The following PRELID2 variants were observed in gnomAD, a reference collection of about 807,000 sequenced individuals.
PRELID2 encodes PRELI domain containing 2.
A neutral mutation model predicts 28.4 loss-of-function variants in PRELID2; 25 were observed. The ratio of observed to expected loss-of-function variants is 0.88; its 90% CI spans 0.64 to 1.23. The LOEUF (loss-of-function observed/expected upper bound fraction) is 1.23. Among genes scored for constraint, PRELID2 ranks in the 50% most tolerant of loss-of-function variants. PRELID2 has a pLI of 0.00. For missense variants in PRELID2, 201 were observed against 214.4 expected, an observed-to-expected ratio of 0.94 and a Z score of 0.39; for synonymous variants, 76 against 71.6, an observed-to-expected ratio of 1.06 and a Z score of -0.31.
chr5:145,748,137 A>C (rs745792926), intron 1 of PRELID2, among the ~76,000 whole-genome samples: 38 of 152,180 alleles, frequency 2.5e-4, no homozygotes, highest in Non-Finnish European at 4.1e-4. Context: ...TATTCAACAT[A>C]GTATTGGAAG....
rs992367586 is a variant in PRELID2, at chr5:145,537,183, T to C, written n.71-63868A>G. ...ATAATATATTTTGATCCTAGGGGAA[T>C]AGAGAGGCATAAATGTGGAAACACA... On this transcript the variant is annotated intron_variant and non_coding_transcript_variant, in intron 1 of 2. Transcript: ENST00000510259. Among the ~76,000 whole-genome samples the C allele has an allele frequency of 5.3e-5, 8 of 151,820 alleles. No individual in the cohort carries two copies. The South Asian group carries it at 6.2e-4, about 12-fold the overall frequency.
the PRELID2 span, among the ~76,000 whole-genome samples, chr5:145,426,303 G>A: frequency 3.4e-4 from 51 of 152,216 alleles, no homozygotes; most frequent in Middle Eastern, 3.4e-3. Flanking sequence ...TCCTTCAGAC[G>A]TTAAATTTTC....
chr5:145,282,579 G>T, the PRELID2 span, among the ~76,000 whole-genome samples: 3 of 151,416 alleles, frequency 2.0e-5, no homozygotes, highest in African/African-American at 7.3e-5. Flanking sequence ...GAGTACAGTG[G>T]CATGATCTCG....
the PRELID2 span, among the ~76,000 whole-genome samples, chr5:145,460,372 T>A: frequency 6.6e-6 from 1 of 152,194 alleles, no homozygotes; most frequent in East Asian, 1.9e-4. Flanking sequence ...GTGGGTAGAT[T>A]CCAAAATAAA....
Position 145,639,946 on chromosome 5 carries a change from G to A in PRELID2, n.70+124985C>T, listed in dbSNP as rs543572474. Among the ~76,000 whole-genome samples, 26 of 152,200 alleles carry A rather than the reference G, an allele frequency of 1.7e-4. No homozygotes were observed. The South Asian group carries it at 3.7e-3, about 22-fold the overall frequency. ...GATGAGAAGTGCCCCCTTGGAAAAG[G>A]GCATGTGTTTTTCAGTTTTGAACAG... On this transcript the variant is annotated intron_variant and non_coding_transcript_variant, in intron 1 of 2. Transcript: ENST00000510259.
intron 1 of PRELID2, among the ~76,000 whole-genome samples, chr5:145,634,570 T>A (rs1753975535): frequency 6.6e-6 from 1 of 152,208 alleles, no homozygotes; most frequent in African/African-American, 2.4e-5. Context: ...GATTTCAGCT[T>A]AGAGTCATTT....
chr5:145,697,999 T>A (rs1755319115), intron 1 of PRELID2, among the ~76,000 whole-genome samples: 1 of 150,592 alleles, frequency 6.6e-6, no homozygotes, highest in South Asian at 2.1e-4. Flanking sequence ...AAAAAATATA[T>A]ATATATATAT....
In PRELID2 at chr5:145,604,935, T is replaced by C. The variant is rs1369116266; in HGVS notation, n.71-131620A>G. On this transcript the variant is annotated intron_variant and non_coding_transcript_variant, in intron 1 of 2. Transcript: ENST00000510259. The stretch of plus-strand genomic sequence containing the variant: ...TGAATTATATATATATATTCTTCTG[T>C]ATATATATATATTATTTTGAATATA... Among the ~76,000 whole-genome samples the C allele has an allele frequency of 7.8e-5, 11 of 140,638 alleles. No homozygotes were observed. The Admixed American group carries it at 8.3e-4, about 11-fold the overall frequency. The allele number at this position is 140,638 out of a possible 152,430, so 92.3% of individuals were successfully genotyped here.
chr5:145,651,774 C>T (rs1052437126), intron 1 of PRELID2, among the ~76,000 whole-genome samples: 13 of 152,114 alleles, frequency 8.5e-5, no homozygotes, highest in African/African-American at 3.1e-4. Context: ...TCATCAAAGA[C>T]CAAGGTAGAT....
intron 1 of PRELID2, among the ~76,000 whole-genome samples, chr5:145,664,079 A>G (rs1754543169): frequency 6.6e-6 from 1 of 152,120 alleles, no homozygotes; most frequent in African/African-American, 2.4e-5. Flanking sequence ...AAACTCTACT[A>G]CTTCATTTGT....
chr5:145,333,996 T>C, the PRELID2 span, among the ~76,000 whole-genome samples: 3 of 152,246 alleles, frequency 2.0e-5, no homozygotes, highest in South Asian at 2.1e-4. Context: ...CTCTTCCACA[T>C]AGCACAGTCC....
intron 1 of PRELID2, among the ~76,000 whole-genome samples, chr5:145,578,304 T>C (rs905089543): frequency 1.3e-5 from 2 of 152,072 alleles, no homozygotes; most frequent in African/African-American, 4.8e-5. Flanking sequence ...CTCCCCAACA[T>C]ACCAACTTTC....
chr5:145,642,612 T>C (rs888995000), intron 1 of PRELID2, among the ~76,000 whole-genome samples: 1 of 152,238 alleles, frequency 6.6e-6, no homozygotes, highest in Admixed American at 6.5e-5. Context: ...CTGAATGGTA[T>C]TGCCTAGGTT....
At position 145,558,879 on chromosome 5, in the gene PRELID2, T is replaced by C. The variant is rs1752902479; in HGVS notation, n.71-85564A>G. 2.0e-5 allele frequency among the ~76,000 whole-genome samples: 3 copies of C among 152,328 alleles called. No homozygotes were observed. In the South Asian group the frequency reaches 6.2e-4, roughly 32 times the overall value. Reference sequence around the variant, plus strand: ...ATCTATGAAAAAAATGTGATGCACATTTTCTATAATCCAGCAAACCAACTC... The same window carrying C: ...ATCTATGAAAAAAATGTGATGCACACTTTCTATAATCCAGCAAACCAACTC... On this transcript the variant is annotated intron_variant and non_coding_transcript_variant, in intron 1 of 2. Transcript: ENST00000510259.
At chr5:145,401,633 T>C in the PRELID2 span, among the ~76,000 whole-genome samples, 1 of 152,156 alleles carries the variant, frequency 6.6e-6, no homozygotes, top group Non-Finnish European at 1.5e-5. Context: ...CTCATATATA[T>C]CCTCCACCTC....
intron 1 of PRELID2, among the ~76,000 whole-genome samples, chr5:145,720,759 A>G (rs1755966374): frequency 6.6e-6 from 1 of 152,020 alleles, no homozygotes; most frequent in Non-Finnish European, 1.5e-5. Context: ...AAAATGTCAA[A>G]TGCTCCCATA....
intron 1 of PRELID2, among the ~76,000 whole-genome samples, chr5:145,524,027 T>C (rs1399965370): frequency 6.6e-6 from 1 of 152,016 alleles, no homozygotes; most frequent in Non-Finnish European, 1.5e-5. Flanking sequence ...TCTCAAAGGA[T>C]TTTTTTGTTT....
intron 1 of PRELID2, among the ~76,000 whole-genome samples, chr5:145,652,213 A>C (rs539971375): frequency 1.4e-3 from 216 of 152,322 alleles, no homozygotes; most frequent in African/African-American, 5.0e-3. Context: ...AAAAAGAATA[A>C]AAAGAAACAA....
intron 1 of PRELID2, among the ~76,000 whole-genome samples, chr5:145,735,886 C>T (rs1306972543): frequency 6.6e-6 from 1 of 152,144 alleles, no homozygotes; most frequent in Admixed American, 6.5e-5. Flanking sequence ...TCAGCATGAC[C>T]GACCACATTG....
Sources: gnomAD v4.1 joint callset for allele counts (sites outside exome capture counted in the v4.1 genomes callset) on GRCh38, gnomAD v4.1.1 for gene constraint, MANE v1.5 for transcripts, NCBI Gene and HGNC (gene_info 2026-07-23, HGNC 2026-07-21) for gene names.